COLEC12: variants seen among roughly 807,000 people sequenced by gnomAD.
COLEC12 encodes the protein collectin-12.
COLEC12 carries 33 observed loss-of-function variants against 71.1 expected under a neutral mutation model. That is an observed-to-expected ratio of 0.46 (90% CI 0.35 to 0.62). The LOEUF (loss-of-function observed/expected upper bound fraction) is 0.62. Among genes scored for constraint, COLEC12 ranks in the 20% least tolerant of loss-of-function variants. The probability of loss-of-function intolerance (pLI) is 0.00; values close to 1 mark genes in which losing one functional copy is unlikely to be tolerated. For missense variants in COLEC12, 765 were observed against 916.1 expected, an observed-to-expected ratio of 0.84 and a Z score of 2.13; for synonymous variants, 350 against 353.0, an observed-to-expected ratio of 0.99 and a Z score of 0.10.
At chr18:479,548 T>G (rs576319526) in intron 2 of COLEC12, among the ~76,000 whole-genome samples, 1 of 129,918 alleles carries the variant, frequency 7.7e-6, no homozygotes, top group African/African-American at 3.0e-5. Context: ...TCTCTCTCTC[T>G]CTCACACACA....
intron 2 of COLEC12, among the ~76,000 whole-genome samples, chr18:371,807 G>A (rs1204417442): frequency 1.3e-5 from 2 of 152,170 alleles, no homozygotes; most frequent in Non-Finnish European, 2.9e-5. Flanking sequence ...ACCTAGAGAG[G>A]ACACAAACTC....
At chr18:350,217 C>T (rs1567880723) in intron 3 of COLEC12, among the ~76,000 whole-genome samples, 1 of 152,126 alleles carries the variant, frequency 6.6e-6, no homozygotes, top group Admixed American at 6.5e-5. Context: ...GCGGTTTCCC[C>T]CATACTGTTC....
rs926067482 is a variant in COLEC12, at chr18:480,881, C to T, written c.8-124G>A. On this transcript the variant is annotated intron_variant, in intron 1 of 9. Coordinates refer to ENST00000400256, the MANE Select transcript of COLEC12 (RefSeq NM_130386.3). The surrounding 1 kb of genome is among the most constrained non-coding windows in gnomAD (Gnocchi z 4.1). ...AGCAGCTTTCCTTCTGCTCGTGGAT[C>T]GCACCAGGCTTTCTGGAAGAGGCGG... The T allele has an allele frequency of 9.3e-6, 8 of 856,668 alleles. No homozygotes were observed. The highest frequency in any genetic ancestry group is 2.2e-4 in the Middle Eastern group (1 of 4,588). 53.1% of individuals were successfully genotyped at this position (856,668 alleles called of 1,614,324 possible). A position where few individuals can be genotyped will look rare whatever the true frequency, so the allele number is the denominator to read the frequency against.
intron 2 of COLEC12, among the ~76,000 whole-genome samples, chr18:395,338 G>C (rs1452047712): frequency 6.6e-6 from 1 of 152,186 alleles, no homozygotes; most frequent in Non-Finnish European, 1.5e-5. Flanking sequence ...GAAGGCAAGA[G>C]AGTTGGTGCC....
intron 8 of COLEC12, among the ~76,000 whole-genome samples, chr18:325,381 G>A (rs182364118): frequency 1.4e-3 from 213 of 152,174 alleles, no homozygotes; most frequent in Non-Finnish European, 2.4e-3. Flanking sequence ...CTTCTAGTGC[G>A]TTTGGGGAGA....
intron 2 of COLEC12, among the ~76,000 whole-genome samples, chr18:442,713 G>A (rs928899793): frequency 6.6e-6 from 1 of 152,258 alleles, no homozygotes; most frequent in Non-Finnish European, 1.5e-5. Context: ...TGTAATCCCA[G>A]TACTTTGGGA....
rs373925400 is a variant in COLEC12 at position 347,070 on chromosome 18, A to G, written c.552T>C (p.Asp184=). 9.3e-6 allele frequency: 15 copies of G among 1,614,176 alleles called. No homozygotes were observed. The South Asian group carries it at 1.3e-4, about 14-fold the overall frequency. Reference sequence around the variant, plus strand: ...GCAGATTGCCCTGGAGCACGCTGGTATCTTGCTGCAGATTCGTGACATAGC... The same window carrying G: ...GCAGATTGCCCTGGAGCACGCTGGTGTCTTGCTGCAGATTCGTGACATAGC... ...YNGYVTNLQQ[D]TSVLQGNLQN... is the part of the protein sequence containing the mutation. The change falls in exon 5 of 10, where the codon GAT becomes GAC. Residue 184 remains aspartate, a synonymous_variant. Transcript: ENST00000400256.
Position 480,178 on chromosome 18 carries a change from T to C in COLEC12, c.58+529A>G, listed in dbSNP as rs530136887. Reference sequence around the variant, plus strand: ...CTTCAACTTAATCACACCTACAAAGTCCTTTGTGCCACATAAGGTAACATT... The same window carrying C: ...CTTCAACTTAATCACACCTACAAAGCCCTTTGTGCCACATAAGGTAACATT... On this transcript the variant is annotated intron_variant, in intron 2 of 9. Transcript: ENST00000400256. The surrounding 1 kb of genome is among the most constrained non-coding windows in gnomAD (Gnocchi z 4.1). Among the ~76,000 whole-genome samples, 1 of 152,092 alleles carries C rather than the reference T, an allele frequency of 6.6e-6. No individual in the cohort carries two copies. The highest frequency in any genetic ancestry group is 2.4e-5 in the African/African-American group (1 of 41,402).
chr18:415,225 T>C (rs1352752938), intron 2 of COLEC12, among the ~76,000 whole-genome samples: 1 of 152,242 alleles, frequency 6.6e-6, no homozygotes, highest in East Asian at 1.9e-4. Context: ...GTTTCCATTT[T>C]ACAGATAAGG....
Position 347,318 on chromosome 18 carries a change from T to C in COLEC12, c.304A>G (p.Ile102Val). 1.2e-6 allele frequency: 2 copies of C among 1,611,830 alleles called. No homozygotes were observed. The highest frequency in any genetic ancestry group is 2.2e-5 in the East Asian group (1 of 44,834). The change falls in exon 5 of 10, where the codon ATC becomes GTC. Residue 102 changes from isoleucine (I) to valine (V), a missense_variant. Ile to Val is a conservative substitution (Grantham distance 29). Transcript: ENST00000400256. ...GTGGAGAGTTCTGAGTTGGTGCTGA[T>C]AGCTTTCTTCCCAGTTTGGTCACCT... ...KLGDQTGKKA[I>V]STNSELSTFR...
intron 2 of COLEC12, among the ~76,000 whole-genome samples, chr18:479,918 T>C (rs1007439840): frequency 6.6e-6 from 1 of 152,234 alleles, no homozygotes; most frequent in African/African-American, 2.4e-5. Flanking sequence ...ATGGGGAGTA[T>C]ACAGCTCTCC....
At position 459,232 on chromosome 18, in the gene COLEC12, T is replaced by A. The variant is rs147459107; in HGVS notation, c.58+21475A>T. Among the ~76,000 whole-genome samples, 555 of 152,330 alleles carry A rather than the reference T, an allele frequency of 3.6e-3. 3 individuals are homozygous for A. Among genetic ancestry groups the A allele is most frequent in the African/African-American group, 0.013 (531 of 41,568 alleles). On this transcript the variant is annotated intron_variant, in intron 2 of 9. Coordinates refer to ENST00000400256, the MANE Select transcript of COLEC12 (RefSeq NM_130386.3). ...CCAGACTCTAATGAGGGGTCTGGAT[T>A]GATTCAGGACAGGATGGCTCTTAGG...
intron 1 of COLEC12, among the ~76,000 whole-genome samples, chr18:493,986 C>CT (rs1917665306): frequency 2.6e-5 from 4 of 151,404 alleles, no homozygotes; most frequent in Admixed American, 2.0e-4. Context: ...AGCAATAGTA[C>CT]TAAAAAAAAA....
chr18:348,007 G>T, intron 4 of COLEC12, 58 bp downstream of exon 4: 1 of 1,132,732 alleles, frequency 8.8e-7, no homozygotes, highest in Non-Finnish European at 1.3e-6. Flanking sequence ...ATTCTAAGAA[G>T]CTGTGGTCAT....
At chr18:466,808 CT>C (rs1917097808) in intron 2 of COLEC12, among the ~76,000 whole-genome samples, 1 of 152,180 alleles carries the variant, frequency 6.6e-6, no homozygotes, top group Non-Finnish European at 1.5e-5. Context: ...GCTGCTCACT[CT>C]TTTATTCCTA....
rs72859270 is a variant in COLEC12 at position 385,670 on chromosome 18, C to T, written c.59-28148G>A. On this transcript the variant is annotated intron_variant, in intron 2 of 9. Coordinates refer to ENST00000400256, the MANE Select transcript of COLEC12 (RefSeq NM_130386.3). ...ACAGAAAGAAAAGAGATTTTAGTGG[C>T]TAATTATTTCCGTTTTTTCAATTCA... Among the ~76,000 whole-genome samples, 769 of 152,216 alleles carry T rather than the reference C, an allele frequency of 5.1e-3. 1 individual carries two copies. Among genetic ancestry groups the T allele is most frequent in the Non-Finnish European group, 8.5e-3 (580 of 68,026 alleles).
chr18:470,593 A>AG (rs1306109321), intron 2 of COLEC12, among the ~76,000 whole-genome samples: 1 of 151,972 alleles, frequency 6.6e-6, no homozygotes, highest in African/African-American at 2.4e-5. Context: ...AAAAAAAAAA[A>AG]ATTTTTTTTT....
At chr18:320,668 T>C (rs1913682009) in intron 9 of COLEC12, among the ~76,000 whole-genome samples, 1 of 152,272 alleles carries the variant, frequency 6.6e-6, no homozygotes, top group Non-Finnish European at 1.5e-5. Flanking sequence ...CACAAAGTTA[T>C]GCAATTTAGA....
chr18:487,824 A>T (rs1474881703), intron 1 of COLEC12, among the ~76,000 whole-genome samples: 1 of 152,234 alleles, frequency 6.6e-6, no homozygotes, highest in Non-Finnish European at 1.5e-5. Context: ...CCAACCAGGT[A>T]AACTTAGAGT....
Sources: gnomAD v4.1 joint callset for allele counts (sites outside exome capture counted in the v4.1 genomes callset) on GRCh38, gnomAD v4.1.1 for gene constraint, Gnocchi (gnomAD v3.1) non-coding constraint, MANE v1.5 for transcripts, NCBI Gene and HGNC (gene_info 2026-07-23, HGNC 2026-07-21) for gene names.